The following SPIDR variants were observed in gnomAD, a reference collection of about 807,000 sequenced individuals.
The protein encoded by SPIDR is scaffold protein involved in DNA repair.
Under a neutral mutation model 104.6 loss-of-function variants are expected in SPIDR, and 93 were observed. That is an observed-to-expected ratio of 0.89 (90% CI 0.75 to 1.06). The LOEUF (loss-of-function observed/expected upper bound fraction) is 1.06. Among genes scored for constraint, SPIDR ranks in the 50% least tolerant of loss-of-function variants. The pLI is 0.00. For synonymous variants in SPIDR, 431 were observed against 416.9 expected, an observed-to-expected ratio of 1.03 and a Z score of -0.41; for missense variants, 1,154 against 1,111.2, an observed-to-expected ratio of 1.04 and a Z score of -0.55.
At chr8:47,498,082 A>G (rs1264179590) in intron 8 of SPIDR, among the ~76,000 whole-genome samples, 5 of 152,222 alleles carry the variant, frequency 3.3e-5, no homozygotes, top group African/African-American at 1.2e-4. Flanking sequence ...CAATACAAAC[A>G]TAATGTCAAG....
At chr8:47,610,592 C>A (rs908088746) in intron 10 of SPIDR, among the ~76,000 whole-genome samples, 2 of 152,352 alleles carry the variant, frequency 1.3e-5, no homozygotes, top group Non-Finnish European at 2.9e-5. Context: ...AGCCAGCTGG[C>A]GGGTTTGGTA....
intron 8 of SPIDR, chr8:47,511,062 G>T (rs2082241360): frequency 5.2e-6 from 5 of 957,848 alleles, no homozygotes; most frequent in Non-Finnish European, 8.6e-6. Context: ...TGGCAGCATT[G>T]AGCAGGTTGG....
chr8:47,406,878 C>A (rs1463066521), intron 6 of SPIDR, among the ~76,000 whole-genome samples: 1 of 152,128 alleles, frequency 6.6e-6, no homozygotes, highest in Non-Finnish European at 1.5e-5. Flanking sequence ...GTACTGATAT[C>A]TGTTCTTTCA....
At chr8:47,574,514 T>G (rs1362846553) in intron 8 of SPIDR, among the ~76,000 whole-genome samples, 2 of 152,074 alleles carry the variant, frequency 1.3e-5, no homozygotes, top group East Asian at 3.8e-4. Flanking sequence ...TCTCAGCACT[T>G]TTGGAGGCTG....
At chr8:47,403,386 G>A (rs201634065) in intron 6 of SPIDR, among the ~76,000 whole-genome samples, 8 of 152,072 alleles carry the variant, frequency 5.3e-5, no homozygotes, top group Non-Finnish European at 1.2e-4. Context: ...AATAAAGGGT[G>A]TTCAGTTAGG....
intron 6 of SPIDR, among the ~76,000 whole-genome samples, chr8:47,406,038 A>G (rs1314061821): frequency 6.7e-6 from 1 of 149,970 alleles, no homozygotes; most frequent in Non-Finnish European, 1.5e-5. Flanking sequence ...CAGTTTTCTT[A>G]CGAGGTTCTA....
chr8:47,290,198 C>A, intron 3 of SPIDR, among the ~76,000 whole-genome samples: 1 of 152,166 alleles, frequency 6.6e-6, no homozygotes, highest in East Asian at 1.9e-4. Context: ...CCCGCAACCA[C>A]GCCTGGCTAA....
chr8:47,425,510 C>T (rs1258823819), intron 7 of SPIDR, among the ~76,000 whole-genome samples: 2 of 152,184 alleles, frequency 1.3e-5, no homozygotes, highest in Non-Finnish European at 2.9e-5. Context: ...TGGGTAAATA[C>T]AACCTCTGTC....
chr8:47,635,595 G>A (rs2067783389), intron 10 of SPIDR, among the ~76,000 whole-genome samples: 1 of 152,146 alleles, frequency 6.6e-6, no homozygotes, highest in Non-Finnish European at 1.5e-5. Flanking sequence ...AGTGGCACCT[G>A]TAGTCCCATC....
chr8:47,693,574 G>A (rs997852246), intron 11 of SPIDR, among the ~76,000 whole-genome samples: 12 of 152,218 alleles, frequency 7.9e-5, no homozygotes, highest in Non-Finnish European at 1.6e-4. Flanking sequence ...GCGCCTCCCA[G>A]GCACCAGTCT....
At chr8:47,422,830 GTT>G (rs1225796094) in intron 7 of SPIDR, among the ~76,000 whole-genome samples, 1 of 152,158 alleles carries the variant, frequency 6.6e-6, no homozygotes, top group African/African-American at 2.4e-5. Context: ...GTGGATGTCA[GTT>G]TTTCCTTTGT....
chr8:47,439,593 G>C (rs1487729167), intron 7 of SPIDR, among the ~76,000 whole-genome samples: 1 of 152,218 alleles, frequency 6.6e-6, no homozygotes, highest in Non-Finnish European at 1.5e-5. Context: ...GCATCTGACA[G>C]TTTCTGGGTA....
chr8:47,299,536 A>G (rs2041614809), intron 5 of SPIDR, among the ~76,000 whole-genome samples: 2 of 152,192 alleles, frequency 1.3e-5, no homozygotes, highest in East Asian at 1.9e-4. Flanking sequence ...GCCCGTTTTC[A>G]AAGGGAATGC....
At chr8:47,364,876 T>C (rs1047700158) in intron 5 of SPIDR, among the ~76,000 whole-genome samples, 3 of 152,184 alleles carry the variant, frequency 2.0e-5, no homozygotes, top group Non-Finnish European at 4.4e-5. Context: ...CCTGCATGCA[T>C]GGAGGCAGGT....
chr8:47,274,992 G>T (rs1290839744), intron 1 of SPIDR, among the ~76,000 whole-genome samples: 1 of 149,746 alleles, frequency 6.7e-6, no homozygotes, highest in Non-Finnish European at 1.5e-5. Flanking sequence ...CAGCGCGGTG[G>T]CTCACGCCTG....
intron 5 of SPIDR, among the ~76,000 whole-genome samples, chr8:47,300,698 G>T (rs1251779090): frequency 6.6e-6 from 1 of 152,058 alleles, no homozygotes; most frequent in Non-Finnish European, 1.5e-5. Context: ...CCTTCATTTC[G>T]TTATGTACCC....
chr8:47,360,831 T>A, intron 5 of SPIDR: 2 of 985,434 alleles, frequency 2.0e-6, no homozygotes, highest in Non-Finnish European at 2.4e-6. Context: ...TGCTTGAAGG[T>A]ATCTGGTGGT....
At chr8:47,323,891 A>C (rs1366815147) in intron 5 of SPIDR, among the ~76,000 whole-genome samples, 1 of 152,188 alleles carries the variant, frequency 6.6e-6, no homozygotes, top group Non-Finnish European at 1.5e-5. Flanking sequence ...GCCTGATTGC[A>C]TCTTGATTGG....
In SPIDR at chr8:47,599,099, C is replaced by T. The variant is rs201397010; in HGVS notation, c.1447C>T (p.Arg483Ter). Residue 483 changes from arginine to a stop codon, truncating the protein, a stop_gained, in exon 10 of 20, where the codon CGA (arginine) becomes TGA (stop). Coordinates refer to ENST00000297423, the MANE Select transcript of SPIDR (RefSeq NM_001080394.4). LOFTEE classifies it high-confidence loss of function. ...GAASWPGAGVRVVVQRVYSLP... is the reference protein window; with the variant it reads ...GAASWPGAGV ...TGCCTCGTGGCCAGGAGCTGGAGTC[C>T]GAGTGGTGGTGCAAAGAGTGTATTC... 3.7e-6 allele frequency: 6 copies of T among 1,612,424 alleles called. No individual in the cohort carries two copies. Among genetic ancestry groups the T allele is most frequent in the Non-Finnish European group, 5.1e-6 (6 of 1,179,364 alleles).
Sources: gnomAD v4.1 joint callset for allele counts (sites outside exome capture counted in the v4.1 genomes callset) on GRCh38, gnomAD v4.1.1 for gene constraint, MANE v1.5 for transcripts, NCBI Gene and HGNC (gene_info 2026-07-23, HGNC 2026-07-21) for gene names.